The following CLINT1 variants were observed in gnomAD, a reference collection of about 807,000 sequenced individuals.
CLINT1 encodes the protein clathrin interactor 1, also known as clathrin interacting protein localized in the trans-Golgi region.
Under a neutral mutation model 70.4 loss-of-function variants are expected in CLINT1, and 15 were observed. The observed-to-expected ratio is 0.21, with a 90% CI of 0.14 to 0.33. CLINT1 has a LOEUF of 0.33. CLINT1 is among the 10% of genes least tolerant of loss of function. The probability of loss-of-function intolerance (pLI) is 1.00; values close to 1 mark genes in which losing one functional copy is unlikely to be tolerated. For synonymous variants in CLINT1, 227 were observed against 254.7 expected, an observed-to-expected ratio of 0.89 and a Z score of 1.04; for missense variants, 615 against 778.1, an observed-to-expected ratio of 0.79 and a Z score of 2.49.
At chr5:157,807,572 C>A (rs1762426324) in intron 6 of CLINT1, among the ~76,000 whole-genome samples, 1 of 152,078 alleles carries the variant, frequency 6.6e-6, no homozygotes, top group South Asian at 2.1e-4. Context: ...GTCAAAAAAT[C>A]TACTCTTCTC....
intron 5 of CLINT1, among the ~76,000 whole-genome samples, chr5:157,810,223 T>C (rs1036022287): frequency 1.3e-5 from 2 of 152,344 alleles, no homozygotes; most frequent in South Asian, 2.1e-4. Flanking sequence ...CAGAAAAGCA[T>C]TGGATAGCAA....
chr5:157,794,775 T>A, intron 9 of CLINT1, 123 bp downstream of exon 9: 1 of 710,234 alleles, frequency 1.4e-6, no homozygotes, highest in Non-Finnish European at 2.4e-6. Context: ...AATAAATTCT[T>A]TAGGAATTAT....
At chr5:157,816,920 A>C (rs1419502488) in intron 2 of CLINT1, 90 bp from the exon 3 acceptor site, 6 of 895,952 alleles carry the variant, frequency 6.7e-6, no homozygotes, top group Middle Eastern at 2.7e-4. Flanking sequence ...TTCCCTGAAG[A>C]GTTTTTAAAA....
chr5:157,790,785 AG>A (rs1302102141), intron 10 of CLINT1: 1 of 308,362 alleles, frequency 3.2e-6, no homozygotes, highest in Non-Finnish European at 6.4e-6. Context: ...AGCTAGTACT[AG>A]GTAATTCGGA....
chr5:157,841,598 T>C (rs1753180936), intron 1 of CLINT1, among the ~76,000 whole-genome samples: 1 of 151,998 alleles, frequency 6.6e-6, no homozygotes, highest in Non-Finnish European at 1.5e-5. Context: ...GATTGGTTGG[T>C]ATTTCCTTTT....
intron 1 of CLINT1, among the ~76,000 whole-genome samples, chr5:157,851,875 C>T (rs1040891591): frequency 4.6e-5 from 7 of 152,080 alleles, no homozygotes; most frequent in African/African-American, 1.7e-4. Context: ...GAATATATTA[C>T]GTTCCTTTAC....
intron 1 of CLINT1, among the ~76,000 whole-genome samples, chr5:157,840,556 G>C (rs558816325): frequency 3.3e-5 from 5 of 150,286 alleles, no homozygotes; most frequent in African/African-American, 1.2e-4. Context: ...CTTTCAAATG[G>C]ATGAGGGAAG....
At chr5:157,819,356 CAAAAT>C (rs1221057989) in intron 1 of CLINT1, among the ~76,000 whole-genome samples, 2 of 152,124 alleles carry the variant, frequency 1.3e-5, no homozygotes, top group African/African-American at 4.8e-5. Flanking sequence ...ATTAATGTGA[CAAAAT>C]AAATATAAAT....
At chr5:157,842,936 A>C in intron 1 of CLINT1, among the ~76,000 whole-genome samples, 1 of 152,152 alleles carries the variant, frequency 6.6e-6, no homozygotes, top group East Asian at 1.9e-4. Flanking sequence ...TTTAAAGTTA[A>C]TCGATTTTGT....
At chr5:157,851,583 G>A (rs1326787238) in intron 1 of CLINT1, among the ~76,000 whole-genome samples, 1 of 128,030 alleles carries the variant, frequency 7.8e-6, no homozygotes, top group Non-Finnish European at 1.7e-5. Context: ...AGCTACTTGG[G>A]AGGATCGCTT....
At chr5:157,846,644 G>C (rs1753390386) in intron 1 of CLINT1, among the ~76,000 whole-genome samples, 1 of 152,218 alleles carries the variant, frequency 6.6e-6, no homozygotes, top group African/African-American at 2.4e-5. Context: ...ATTTTCAATG[G>C]AGATGAAACG....
chr5:157,790,549 T>C (rs879296751), intron 10 of CLINT1: 1 of 415,266 alleles, frequency 2.4e-6, no homozygotes. Context: ...TAGACTGACT[T>C]TATGCTTAAC....
At chr5:157,831,997 CTGT>C (rs1269860344) in intron 1 of CLINT1, among the ~76,000 whole-genome samples, 1 of 149,800 alleles carries the variant, frequency 6.7e-6, no homozygotes, top group Non-Finnish European at 1.5e-5. Flanking sequence ...CGCCAGGCCA[CTGT>C]TTTTTAAGAC....
At chr5:157,835,827 T>G (rs2113282135) in intron 1 of CLINT1, among the ~76,000 whole-genome samples, 1 of 152,292 alleles carries the variant, frequency 6.6e-6, no homozygotes, top group East Asian at 1.9e-4. Context: ...ACTTAAAAAG[T>G]TAAGATAACT....
intron 1 of CLINT1, among the ~76,000 whole-genome samples, chr5:157,824,687 A>G (rs1561658241): frequency 6.6e-6 from 1 of 152,230 alleles, no homozygotes; most frequent in Non-Finnish European, 1.5e-5. Context: ...CAATAAAATA[A>G]AGTTTGGAAA....
intron 1 of CLINT1, among the ~76,000 whole-genome samples, chr5:157,849,960 G>A (rs1753514084): frequency 6.6e-6 from 1 of 152,186 alleles, no homozygotes; most frequent in South Asian, 2.1e-4. Flanking sequence ...TTGCATATCA[G>A]AGGCAGGAGA....
At chr5:157,810,051 C>T (rs932152829) in intron 5 of CLINT1, among the ~76,000 whole-genome samples, 2 of 152,164 alleles carry the variant, frequency 1.3e-5, no homozygotes, top group African/African-American at 2.4e-5. Context: ...ATGCACAGCA[C>T]AGCATATCAG....
At chr5:157,793,898 TTA>T (rs974853418) in intron 9 of CLINT1, among the ~76,000 whole-genome samples, 1 of 152,168 alleles carries the variant, frequency 6.6e-6, no homozygotes, top group African/African-American at 2.4e-5. Context: ...CAGCAATAGA[TTA>T]TGTGACTTGT....
At chr5:157,789,183 A>C (rs1761827378) in intron 11 of CLINT1, among the ~76,000 whole-genome samples, 180 bp downstream of exon 11, 1 of 152,184 alleles carries the variant, frequency 6.6e-6, no homozygotes, top group Non-Finnish European at 1.5e-5. Context: ...ATATAAAGTA[A>C]TTCAATGTGC....
Sources: allele counts gnomAD v4.1 joint callset (sites outside exome capture counted in the v4.1 genomes callset), GRCh38; gene constraint gnomAD v4.1.1; transcripts MANE v1.5; gene names NCBI Gene and HGNC (gene_info 2026-07-23, HGNC 2026-07-21).